CLEC17A: variants seen among roughly 807,000 people sequenced by gnomAD.
CLEC17A encodes the protein C-type lectin domain containing 17A.
In CLEC17A, 37 loss-of-function variants were observed where a neutral mutation model predicts 61.3. That is an observed-to-expected ratio of 0.60 (90% CI 0.46 to 0.79). CLEC17A has a LOEUF of 0.79. Ranked by LOEUF, CLEC17A falls within the 30% of genes least tolerant of loss-of-function variation. The probability of loss-of-function intolerance (pLI) is 0.00; values close to 1 mark genes in which losing one functional copy is unlikely to be tolerated. For missense variants in CLEC17A, 418 were observed against 464.7 expected (o/e 0.90, Z 0.92); for synonymous variants, 168 against 164.9 (o/e 1.02, Z -0.14).
At chr19:14,594,385 C>A in intron 4 of CLEC17A, 132 bp from the exon 5 acceptor site, 1 of 1,182,816 alleles carries the variant, frequency 8.5e-7, no homozygotes, top group Non-Finnish European at 1.2e-6. Context: ...ATCCCAATTG[C>A]ATTCTTACGT....
intron 13 of CLEC17A, among the ~76,000 whole-genome samples, chr19:14,607,482 C>A (rs111705884): frequency 1.3e-5 from 2 of 150,810 alleles, no homozygotes; most frequent in Non-Finnish European, 3.0e-5. Context: ...GGATTACAGG[C>A]GTGAGCCACC....
intron 4 of CLEC17A, among the ~76,000 whole-genome samples, chr19:14,592,735 C>T (rs964390635): frequency 5.9e-5 from 9 of 151,926 alleles, no homozygotes; most frequent in Admixed American, 1.3e-4. Flanking sequence ...GCACAATCTC[C>T]GCTCACTGCA....
chr19:14,597,532 A>T (rs765814217), intron 10 of CLEC17A, among the ~76,000 whole-genome samples: 4 of 152,180 alleles, frequency 2.6e-5, no homozygotes, highest in Admixed American at 6.6e-5. Context: ...TGAGGCCAGA[A>T]GTTCGAGACC....
At chr19:14,591,554 C>T (rs1005813354) in intron 3 of CLEC17A, among the ~76,000 whole-genome samples, 7 of 131,626 alleles carry the variant, frequency 5.3e-5, no homozygotes, top group African/African-American at 2.7e-4. Context: ...TTTCTCCTTC[C>T]TCTTTTTTTT....
intron 7 of CLEC17A, 129 bp from the exon 8 acceptor site, chr19:14,595,145 T>C (rs1723868771): frequency 5.7e-6 from 6 of 1,051,088 alleles, no homozygotes; most frequent in Non-Finnish European, 8.6e-6. Context: ...GTGCTGGAAT[T>C]ACAGGCGTGA....
At chr19:14,596,765 A>G (rs73002873) in intron 8 of CLEC17A, 111 bp from the exon 9 acceptor site, 509,019 of 1,264,730 alleles carry the variant, frequency 0.4, 104,994 homozygotes, top group African/African-American at 0.58. Flanking sequence ...CTGCTGAAAC[A>G]GTCATGACTA....
Position 14,610,423 on chromosome 19 carries a change from C to A in CLEC17A, c.*227C>A. On this transcript the variant is annotated 3_prime_UTR_variant, in exon 14 of 14. Coordinates refer to ENST00000417570, the MANE Select transcript of CLEC17A (RefSeq NM_001204118.2). ...TGGTGAGCTGGGAGGATGCTCAGAG[C>A]TTGGTGGTGGGAGGTCTCCCACTTC... The A allele has an allele frequency of 1.8e-6, 1 of 565,760 alleles. No individual in the cohort carries two copies. 35.0% of individuals were successfully genotyped at this position (565,760 alleles called of 1,614,324 possible).
In CLEC17A at chr19:14,599,751, T is replaced by A. The variant is rs2074657073; in HGVS notation, c.681T>A (p.His227Gln). The change falls in exon 11 of 14, where the codon CAT becomes CAA. Residue 227 changes from histidine to glutamine, a missense_variant. Physicochemically the swap from His to Gln is conservative, Grantham distance 24. Coordinates refer to ENST00000417570, the MANE Select transcript of CLEC17A (RefSeq NM_001204118.2). Reference sequence around the variant, plus strand: ...TGGCAGGGCTAGCTGGCCTGAAGCATGACATTGCCCGTGTAAGAGCTGACA... The same window carrying A: ...TGGCAGGGCTAGCTGGCCTGAAGCAAGACATTGCCCGTGTAAGAGCTGACA... ...TGMAGLAGLKHDIARVRADTN... is the reference protein window; with the variant it reads ...TGMAGLAGLKQDIARVRADTN... 7 of 1,613,924 alleles carry A rather than the reference T, an allele frequency of 4.3e-6. No homozygotes were observed. The highest frequency in any genetic ancestry group is 5.9e-6 in the Non-Finnish European group (7 of 1,179,872).
rs192537100 is a variant in CLEC17A, at chr19:14,609,613, G to A, written c.1005-451G>A. ...AGCACTTTGGGAGGCTGAGGCGGGCGGATCACTTGAGGTCAGGAGTTCAAG... is the reference window on the plus strand; with the variant it reads ...AGCACTTTGGGAGGCTGAGGCGGGCAGATCACTTGAGGTCAGGAGTTCAAG... On this transcript the variant is annotated intron_variant, in intron 13 of 13. Transcript: ENST00000417570. Among the ~76,000 whole-genome samples the A allele has an allele frequency of 5.4e-5, 8 of 148,302 alleles. No individual in the cohort carries two copies. The South Asian group carries it at 1.1e-3, about 20-fold the overall frequency.
At chr19:14,595,877 G>A (rs544995503) in intron 8 of CLEC17A, among the ~76,000 whole-genome samples, 241 of 149,618 alleles carry the variant, frequency 1.6e-3, no homozygotes, top group African/African-American at 5.7e-3. Context: ...TGGTGTTAGT[G>A]AGATGGTGAT....
intron 3 of CLEC17A, among the ~76,000 whole-genome samples, chr19:14,591,983 T>A (rs928041164): frequency 3.3e-5 from 5 of 151,692 alleles, no homozygotes; most frequent in African/African-American, 1.2e-4. Flanking sequence ...TGCCTGTACT[T>A]GACTTTGAAA....
At chr19:14,593,676 A>G (rs946294186) in intron 4 of CLEC17A, among the ~76,000 whole-genome samples, 2 of 151,348 alleles carry the variant, frequency 1.3e-5, no homozygotes, top group Non-Finnish European at 2.9e-5. Context: ...AAAATAGAAC[A>G]CGGGCTGGGT....
intron 12 of CLEC17A, among the ~76,000 whole-genome samples, chr19:14,605,709 A>G (rs1025867007): frequency 2.6e-5 from 4 of 151,964 alleles, no homozygotes; most frequent in African/African-American, 9.7e-5. Context: ...TATCTCTGTC[A>G]TAAGTCCTTT....
chr19:14,587,100 C>T (rs1279985527), intron 2 of CLEC17A, among the ~76,000 whole-genome samples: 1 of 151,550 alleles, frequency 6.6e-6, no homozygotes, highest in African/African-American at 2.4e-5. Context: ...CGTTGGTTGC[C>T]CAGGCTGATC....
Position 14,594,668 on chromosome 19 carries a change from C to T in CLEC17A, c.347C>T (p.Pro116Leu). The stretch of plus-strand genomic sequence containing the variant: ...GAGAAACCCCCACTTCCTTGCAAGC[C>T]CCGGAACATGACAGGTGAGAGCTGA... Reference protein sequence around the residue: ...ETEKPPLPCKPRNMTGLDLAA... With the variant: ...ETEKPPLPCKLRNMTGLDLAA... Residue 116 changes from proline (P) to leucine (L), a missense_variant, in exon 6 of 14, where the codon CCC (proline) becomes CTC (leucine). By Grantham distance (98) the Pro-to-Leu change is moderately conservative (BLOSUM62 -3). Transcript: ENST00000417570. The T allele has an allele frequency of 6.2e-7, 1 of 1,613,964 alleles. No individual in the cohort carries two copies. Among genetic ancestry groups the T allele is most frequent in the East Asian group, 2.2e-5 (1 of 44,882 alleles).
Position 14,583,190 on chromosome 19 carries a change from C to G in CLEC17A, c.30C>G (p.Tyr10Ter), listed in dbSNP as rs1323913230. ...ATAATCTGTATTCCATCACTGGGTA[C>G]CCGGACCCACCAGGTAAGGCCCCGG... MHNLYSITG[Y>*]PDPPGTMEEE... The change falls in exon 1 of 14, where the codon TAC (tyrosine) becomes TAG (stop). Residue 10 changes from tyrosine to a stop codon, truncating the protein, a stop_gained. Coordinates refer to ENST00000417570, the MANE Select transcript of CLEC17A (RefSeq NM_001204118.2). LOFTEE classifies it high-confidence loss of function. 6.2e-7 allele frequency: 1 copy of G among 1,613,828 alleles called. No homozygotes were observed.
upstream of CLEC17A, among the ~76,000 whole-genome samples, chr19:14,582,315 C>A (rs916671690): frequency 6.6e-6 from 1 of 151,552 alleles, no homozygotes; most frequent in African/African-American, 2.4e-5. Flanking sequence ...TGGGTTCACG[C>A]CATTCTCCTC....
Position 14,610,263 on chromosome 19 carries a change from C to A in CLEC17A, c.*67C>A. The A allele has an allele frequency of 6.5e-7, 1 of 1,533,330 alleles. No homozygotes were observed. The allele number at this position is 1,533,330 out of a possible 1,614,324, so 95.0% of individuals were successfully genotyped here. A position where few individuals can be genotyped will look rare whatever the true frequency, so the allele number is the denominator to read the frequency against. On this transcript the variant is annotated 3_prime_UTR_variant, in exon 14 of 14. Transcript: ENST00000417570. ...TTGAGATGAGAATCTCCTGCCCTTTCGTGGACGGCCTTGCCTCTTCGTGAG... is the reference window on the plus strand; with the variant it reads ...TTGAGATGAGAATCTCCTGCCCTTTAGTGGACGGCCTTGCCTCTTCGTGAG...
chr19:14,596,742 T>C lies in CLEC17A; in HGVS notation c.446-134T>C. 4.7e-6 allele frequency: 5 copies of C among 1,057,332 alleles called. No homozygotes were observed. In the South Asian group the frequency reaches 6.7e-5, roughly 14 times the overall value. The allele number at this position is 1,057,332 out of a possible 1,614,324, so 65.5% of individuals were successfully genotyped here. On this transcript the variant is annotated intron_variant, in intron 8 of 13. Transcript: ENST00000417570. ...AGGGTTCACTCTCCCTAACCCTCTC[T>C]TGCTGACTTCATCTGCTGAAACAGT...
Sources: gnomAD v4.1 joint callset for allele counts (sites outside exome capture counted in the v4.1 genomes callset) on GRCh38, gnomAD v4.1.1 for gene constraint, MANE v1.5 for transcripts, NCBI Gene and HGNC (gene_info 2026-07-23, HGNC 2026-07-21) for gene names.